The following HNRNPR variants were observed in gnomAD, a reference collection of about 807,000 sequenced individuals.
HNRNPR encodes the protein heterogeneous nuclear ribonucleoprotein R.
Under a neutral mutation model 70.3 loss-of-function variants are expected in HNRNPR, and 4 were observed. The observed-to-expected ratio is 0.06, with a 90% confidence interval of 0.03 to 0.13. The LOEUF (loss-of-function observed/expected upper bound fraction) is 0.13. Ranked by LOEUF, HNRNPR falls within the 10% of genes least tolerant of loss-of-function variation. The probability of loss-of-function intolerance (pLI) is 1.00; values close to 1 mark genes in which losing one functional copy is unlikely to be tolerated. For missense variants in HNRNPR, 423 were observed against 788.5 expected, an observed-to-expected ratio of 0.54 and a Z score of 5.55; for synonymous variants, 241 against 267.6, an observed-to-expected ratio of 0.90 and a Z score of 0.97.
At position 23,311,293 on chromosome 1, in the gene HNRNPR, T is replaced by A. The variant is rs1194526284; in HGVS notation, c.1197A>T (p.Ile399=). ...KAMDEMNGKE[I]EGEEIEIVLA... is the part of the protein sequence containing the mutation. The stretch of plus-strand genomic sequence containing the variant: ...AGACTATTTCAATTTCTTCCCCTTC[T>A]ATTTCTTTGCCATTCATTTCATCCA... Residue 399 remains isoleucine (I), a synonymous_variant, in exon 10 of 11, where the codon ATA becomes ATT. Coordinates refer to ENST00000302271, the MANE Select transcript of HNRNPR (RefSeq NM_005826.5). The A allele has an allele frequency of 6.2e-7, 1 of 1,601,278 alleles. No homozygotes were observed. Among genetic ancestry groups the A allele is most frequent in the Admixed American group, 1.7e-5 (1 of 59,968 alleles).
chr1:23,327,995 C>A (rs1416389086), intron 5 of HNRNPR, among the ~76,000 whole-genome samples: 282 of 118,630 alleles, frequency 2.4e-3, no homozygotes, highest in Middle Eastern at 4.3e-3. Flanking sequence ...GACTCTGTCT[C>A]AAAAAAAAAA....
rs1645645284 is a variant in HNRNPR, at chr1:23,318,774, A to T, written c.812-86T>A. 7.9e-7 allele frequency: 1 copy of T among 1,273,174 alleles called. No individual in the cohort carries two copies. The highest frequency in any genetic ancestry group is 1.5e-5 in the African/African-American group (1 of 67,846). 78.9% of individuals were successfully genotyped at this position (1,273,174 alleles called of 1,614,324 possible). On this transcript the variant is annotated intron_variant, in intron 7 of 10. Coordinates refer to ENST00000302271, the MANE Select transcript of HNRNPR (RefSeq NM_005826.5). This position sits in a 1 kb window ranked among gnomAD's most constrained non-coding sequence, Gnocchi z 4.2. ...GCAGACCTAAATCCACTTGACGATG[A>T]GCAAAATATAAGTGAAGCAGCCTCA...
intron 4 of HNRNPR, among the ~76,000 whole-genome samples, chr1:23,334,956 C>T (rs1355544963): frequency 2.6e-5 from 4 of 151,738 alleles, no homozygotes; most frequent in South Asian, 2.1e-4. Flanking sequence ...CTCGCTCTGT[C>T]GCTCAGGCTG....
intron 6 of HNRNPR, among the ~76,000 whole-genome samples, chr1:23,322,266 C>A (rs1645791153): frequency 6.6e-6 from 1 of 150,636 alleles, no homozygotes; most frequent in African/African-American, 2.4e-5. Context: ...GATGGAGTCT[C>A]GCTCTGTCAT....
chr1:23,323,772 T>C, intron 5 of HNRNPR, 40 bp from the exon 6 acceptor site: 1 of 1,565,338 alleles, frequency 6.4e-7, no homozygotes, highest in South Asian at 1.1e-5. Flanking sequence ...ACATAAGCAT[T>C]TGATTTTAGA....
chr1:23,323,800 C>CT (rs1007209727), intron 5 of HNRNPR, 68 bp from the exon 6 acceptor site: 6,009 of 1,107,076 alleles, frequency 5.4e-3, no homozygotes, highest in African/African-American at 8.9e-3. Context: ...AGCCTACTGC[C>CT]TTTTTTTTTT....
chr1:23,316,782 T>C (rs1389093230), intron 8 of HNRNPR, among the ~76,000 whole-genome samples: 2 of 152,102 alleles, frequency 1.3e-5, no homozygotes, highest in African/African-American at 2.4e-5. Context: ...GGAATTAAAA[T>C]CAAGCTAGTA....
chr1:23,321,307 A>G (rs1351308637), intron 7 of HNRNPR, among the ~76,000 whole-genome samples: 1 of 152,344 alleles, frequency 6.6e-6, no homozygotes, highest in East Asian at 1.9e-4. Context: ...GCAAAAGCCA[A>G]GGTTCAATTA....
At chr1:23,343,294 T>C (rs1486074561) in intron 1 of HNRNPR, among the ~76,000 whole-genome samples, 1 of 152,196 alleles carries the variant, frequency 6.6e-6, no homozygotes, top group Non-Finnish European at 1.5e-5. Flanking sequence ...TCTGTGCAAA[T>C]TCTTCATATT....
intron 5 of HNRNPR, among the ~76,000 whole-genome samples, chr1:23,332,285 C>T (rs560641529): frequency 6.6e-6 from 1 of 152,046 alleles, no homozygotes; most frequent in Non-Finnish European, 1.5e-5. Context: ...TATCTGATTC[C>T]ACATCCTTCC....
Position 23,338,018 on chromosome 1 carries a change from T to G in HNRNPR, c.277-157A>C, listed in dbSNP as rs11586100. 383,453 of 593,882 alleles carry G rather than the reference T, an allele frequency of 0.65. 131,802 individuals are homozygous for G. The highest frequency in any genetic ancestry group is 0.73 in the Non-Finnish European group (246,258 of 336,294). 36.8% of individuals were successfully genotyped at this position (593,882 alleles called of 1,614,324 possible). ...CCGAGTGGTTACTATGTGCCAGAGATTGGAGCAGACAGCAGTAAGGCAGTA... is the reference window on the plus strand; with the variant it reads ...CCGAGTGGTTACTATGTGCCAGAGAGTGGAGCAGACAGCAGTAAGGCAGTA... On this transcript the variant is annotated intron_variant, in intron 3 of 10. Transcript: ENST00000302271.
Position 23,338,602 on chromosome 1 carries a change from AC to A in HNRNPR, c.163del (p.Val55Ter). 1 of 1,552,048 alleles carries A rather than the reference AC, an allele frequency of 6.4e-7. No homozygotes were observed. The highest frequency in any genetic ancestry group is 8.8e-7 in the Non-Finnish European group (1 of 1,137,620). On this transcript the variant is annotated frameshift_variant, in exon 3 of 11. Transcript: ENST00000302271. LOFTEE classifies it high-confidence loss of function. Reference protein sequence around the residue: ...RLDEIFQTGLVAYVDLDERAI... With the variant: ...RLDEIFQTGLXAYVDLDERAI... Reference sequence around the variant, plus strand: ...TCTTTCATCAAGATCGACATAAGCTACCAATCCTAAAAATTAAATTGAAAGG... The same window carrying A: ...TCTTTCATCAAGATCGACATAAGCTACAATCCTAAAAATTAAATTGAAAGG...
chr1:23,335,247 A>G (rs1330406077), intron 4 of HNRNPR, among the ~76,000 whole-genome samples: 5 of 152,226 alleles, frequency 3.3e-5, no homozygotes, highest in Non-Finnish European at 5.9e-5. Flanking sequence ...ATGTCAGAAC[A>G]ATAAGAGACT....
In HNRNPR at chr1:23,311,203, A is replaced by T. The variant is rs887896546; in HGVS notation, c.1287T>A (p.Thr429=). 5.6e-6 allele frequency: 9 copies of T among 1,613,798 alleles called. No homozygotes were observed. The Admixed American group carries it at 1.0e-4, about 18-fold the overall frequency. The change falls in exon 10 of 11, where the codon ACT becomes ACA. Residue 429 remains threonine, a splice_region_variant and synonymous_variant. Transcript: ENST00000302271. ...RQAARQASRS[T]AYEDYYYHPP... The stretch of plus-strand genomic sequence containing the variant: ...TATCTACTAAAATGTAGACTCACGC[A>T]GTGCTTCTGGAGGCCTGTCTAGCAG...
rs1645201776 is a variant in HNRNPR at position 23,306,332 on chromosome 1, C to T, written c.*4122G>A. On this transcript the variant is annotated 3_prime_UTR_variant, in exon 11 of 11. Coordinates refer to ENST00000302271, the MANE Select transcript of HNRNPR (RefSeq NM_005826.5). The stretch of plus-strand genomic sequence containing the variant: ...TTTCTACAAGGCTGACATAATTGCC[C>T]ACTTATAGGATATGGGCATTCTCCC... 1 of 151,638 alleles carries T rather than the reference C, an allele frequency of 6.6e-6. No individual in the cohort carries two copies. The highest frequency in any genetic ancestry group is 1.5e-5 in the Non-Finnish European group (1 of 67,934). The allele number at this position is 151,638 out of a possible 1,614,324, so 9.4% of individuals were successfully genotyped here.
At chr1:23,320,466 C>G (rs954887295) in intron 7 of HNRNPR, among the ~76,000 whole-genome samples, 1 of 152,074 alleles carries the variant, frequency 6.6e-6, no homozygotes, top group Non-Finnish European at 1.5e-5. Context: ...GATGGTTCAC[C>G]AATGTAGATG....
At chr1:23,329,502 TC>T (rs1646132321) in intron 5 of HNRNPR, among the ~76,000 whole-genome samples, 1 of 152,200 alleles carries the variant, frequency 6.6e-6, no homozygotes, top group African/African-American at 2.4e-5. Flanking sequence ...ACCAACAGAA[TC>T]TACTGAATAC....
intron 5 of HNRNPR, among the ~76,000 whole-genome samples, chr1:23,328,939 C>T (rs1297878338): frequency 6.6e-6 from 1 of 152,052 alleles, no homozygotes; most frequent in African/African-American, 2.4e-5. Context: ...AGCAACAAAG[C>T]GAGACCCTGC....
rs959515526 is a variant in HNRNPR, at chr1:23,337,734, C to T, written c.384+20G>A. The T allele has an allele frequency of 2.1e-6, 3 of 1,429,052 alleles. No homozygotes were observed. The highest frequency in any genetic ancestry group is 1.8e-5 in the Admixed American group (1 of 55,668). 88.5% of individuals were successfully genotyped at this position (1,429,052 alleles called of 1,614,324 possible). A position where few individuals can be genotyped will look rare whatever the true frequency, so the allele number is the denominator to read the frequency against. On this transcript the variant is annotated intron_variant, in intron 4 of 10. Transcript: ENST00000302271. ...ATCATTAAATGCAATTTCATTACAA[C>T]TACCCAAGTCAAGTTTTACCTTGAT... is the stretch of plus-strand genomic sequence containing the variant.
Sources: allele counts gnomAD v4.1 joint callset (sites outside exome capture counted in the v4.1 genomes callset), GRCh38; gene constraint gnomAD v4.1.1; non-coding constraint Gnocchi (gnomAD v3.1); transcripts MANE v1.5; gene names NCBI Gene and HGNC (gene_info 2026-07-23, HGNC 2026-07-21).